Variants in RET observed in about 807,000 individuals in gnomAD.
RET encodes ret proto-oncogene.
Under a neutral mutation model 118.3 loss-of-function variants are expected in RET, and 19 were observed. The observed-to-expected ratio is 0.16, with a 90% CI of 0.11 to 0.24. The LOEUF (loss-of-function observed/expected upper bound fraction) is 0.24, where lower values mean the gene tolerates loss of function less well. RET is among the 10% of genes least tolerant of loss of function. The pLI is 1.00. For missense variants in RET, 1,219 were observed against 1,502.1 expected (o/e 0.81, Z 3.12); for synonymous variants, 597 against 644.1 (o/e 0.93, Z 1.11).
intron 1 of RET, 135 bp downstream of exon 1, chr10:43,077,466 G>C (rs1314828107): frequency 8.4e-7 from 1 of 1,191,666 alleles, no homozygotes; most frequent in African/African-American, 1.6e-5. Flanking sequence ...ACCCGGCCTC[G>C]GCTGGGAGCG....
At position 43,117,304 on chromosome 10, in the gene RET, A is replaced by G. The variant is rs550018025; in HGVS notation, c.2284+573A>G. ...GGTGTACATAACAATTATCTGCAGT[A>G]GTCGGGGGCTGCACAGCACAGGGTG... On this transcript the variant is annotated intron_variant, in intron 12 of 19. Coordinates refer to ENST00000355710, the MANE Select transcript of RET (RefSeq NM_020975.6). 1.3e-3 allele frequency among the ~76,000 whole-genome samples: 203 copies of G among 152,372 alleles called. 1 individual carries two copies. The highest frequency in any genetic ancestry group is 4.8e-3 in the African/African-American group (198 of 41,596).
At chr10:43,085,993 C>A (rs996154505) in intron 1 of RET, among the ~76,000 whole-genome samples, 5 of 152,204 alleles carry the variant, frequency 3.3e-5, no homozygotes, top group Non-Finnish European at 2.9e-5. Flanking sequence ...TAAGAGCAGA[C>A]CCTCAAGCCT....
chr10:43,111,484 G>A lies in RET; in HGVS notation c.1522+19G>A, dbSNP rs1420326566. ...GGGTCATGTGAGTGCCTGCTCCAGG[G>A]AGGGAGGGTCGGGGTCCTGGGGGCT... On this transcript the variant is annotated intron_variant, in intron 7 of 19. Transcript: ENST00000355710. The A allele has an allele frequency of 1.3e-6, 2 of 1,592,196 alleles. No homozygotes were observed. Among genetic ancestry groups the A allele is most frequent in the South Asian group, 1.1e-5 (1 of 90,596 alleles).
chr10:43,106,802 G>A lies in RET; in HGVS notation c.1063+231G>A, dbSNP rs553596818. Among the ~76,000 whole-genome samples the A allele has an allele frequency of 2.0e-4, 30 of 152,250 alleles. No homozygotes were observed. Among genetic ancestry groups the A allele is most frequent in the African/African-American group, 5.8e-4 (24 of 41,546 alleles). On this transcript the variant is annotated intron_variant, in intron 5 of 19. Coordinates refer to ENST00000355710, the MANE Select transcript of RET (RefSeq NM_020975.6). This position sits in a 1 kb window ranked among gnomAD's most constrained non-coding sequence, Gnocchi z 5.1. ...TCTCTCCCTGAGCTGATCCATGGCCGACCCTGGCAGGGCCCCACCACACCC... is the reference window on the plus strand; with the variant it reads ...TCTCTCCCTGAGCTGATCCATGGCCAACCCTGGCAGGGCCCCACCACACCC...
chr10:43,097,418 G>GCTGAGCTGCATTGCCTCTCCCCAC (rs1837544373), intron 1 of RET, among the ~76,000 whole-genome samples: 1 of 152,132 alleles, frequency 6.6e-6, no homozygotes, highest in Non-Finnish European at 1.5e-5. Context: ...ACTAGACCCA[G>GCTGAGCTGCATTGCCTCTCCCCAC]CTGAGCTGCA....
At chr10:43,081,873 A>G (rs1050024494) in intron 1 of RET, among the ~76,000 whole-genome samples, 4 of 152,176 alleles carry the variant, frequency 2.6e-5, no homozygotes, top group African/African-American at 4.8e-5. Context: ...TACCTCTCAT[A>G]GGAGAACTTT....
At position 43,113,667 on chromosome 10, in the gene RET, A is replaced by G. The variant is rs1224456563; in HGVS notation, c.1871A>G (p.Asp624Gly). The G allele has an allele frequency of 1.2e-6, 2 of 1,613,182 alleles. No homozygotes were observed. The highest frequency in any genetic ancestry group is 2.7e-5 in the African/African-American group (2 of 74,898). The part of the protein sequence containing the change: ...EEEKCFCEPE[D>G]IQDPLCDELC... ...GAGAAGTGCTTCTGCGAGCCCGAAG[A>G]CATCCAGGGTGAGTGGGTGGCGGCC... The change falls in exon 10 of 20, where the codon GAC (aspartate) becomes GGC (glycine). Residue 624 changes from aspartate to glycine, a missense_variant. Coordinates refer to ENST00000355710, the MANE Select transcript of RET (RefSeq NM_020975.6).
intron 18 of RET, among the ~76,000 whole-genome samples, chr10:43,125,398 A>T (rs1838307698): frequency 6.6e-6 from 1 of 152,246 alleles, no homozygotes; most frequent in South Asian, 2.1e-4. Flanking sequence ...GCAAACAGCC[A>T]GCCCCCTCCA....
intron 3 of RET, 155 bp from the exon 4 acceptor site, chr10:43,104,797 C>G (rs1357550609): frequency 8.5e-7 from 1 of 1,181,674 alleles, no homozygotes; most frequent in African/African-American, 1.5e-5. Flanking sequence ...AACTCGTGCT[C>G]CGAGCGCTGC....
chr10:43,094,520 T>C (rs1837480779), intron 1 of RET, among the ~76,000 whole-genome samples: 3 of 152,184 alleles, frequency 2.0e-5, no homozygotes, highest in Admixed American at 2.0e-4. Flanking sequence ...AAGTTTTTCA[T>C]GGTCTGGAGC....
intron 19 of RET, chr10:43,127,369 T>C: frequency 9.4e-7 from 1 of 1,064,646 alleles, no homozygotes. Context: ...GGTTGTCACT[T>C]ATGAAGTCAG....
At chr10:43,101,365 G>A (rs2132671354) in intron 2 of RET, among the ~76,000 whole-genome samples, 1 of 152,362 alleles carries the variant, frequency 6.6e-6, no homozygotes, top group Non-Finnish European at 1.5e-5. Flanking sequence ...CCTGAGCCCT[G>A]TCTGCTGGTG....
intron 18 of RET, among the ~76,000 whole-genome samples, chr10:43,125,281 A>G (rs1218002242): frequency 2.6e-5 from 4 of 152,274 alleles, no homozygotes; most frequent in East Asian, 3.8e-4. Flanking sequence ...ATAGTTTTCC[A>G]TAATGGAAAA....
intron 13 of RET, 72 bp downstream of exon 13, chr10:43,118,552 C>T (rs1174359152): frequency 2.7e-6 from 3 of 1,092,266 alleles, no homozygotes; most frequent in Admixed American, 1.8e-5. Flanking sequence ...CCCTGTTCTC[C>T]CTCTTTCTCC....
chr10:43,080,385 T>A (rs1474985884), intron 1 of RET, among the ~76,000 whole-genome samples: 1 of 152,242 alleles, frequency 6.6e-6, no homozygotes, highest in Non-Finnish European at 1.5e-5. Flanking sequence ...ACTGCCCCTG[T>A]GCTGTGCCTA....
rs756466984 is a variant in RET, at chr10:43,126,613, C to T, written c.3078C>T (p.Ser1026=). Residue 1026 remains serine (S), a synonymous_variant, in exon 19 of 20, where the codon TCC becomes TCT. Transcript: ENST00000355710. ...TTGCGGCGTCCACTCCATCTGACTC[C>T]CTGATTTATGACGACGGCCTCTCAG... is the stretch of plus-strand genomic sequence containing the variant. ...LDLAASTPSD[S]LIYDDGLSEE... is the part of the protein sequence containing the mutation. 3.7e-6 allele frequency: 6 copies of T among 1,614,114 alleles called. No homozygotes were observed. The highest frequency in any genetic ancestry group is 1.1e-5 in the South Asian group (1 of 91,082).
At position 43,112,888 on chromosome 10, in the gene RET, A is replaced by T. The variant is rs759342879; in HGVS notation, c.1684A>T (p.Thr562Ser). 1.2e-6 allele frequency: 2 copies of T among 1,614,108 alleles called. No homozygotes were observed. Among genetic ancestry groups the T allele is most frequent in the Non-Finnish European group, 1.7e-6 (2 of 1,179,990 alleles). Residue 562 changes from threonine (T) to serine (S), a missense_variant, in exon 9 of 20, where the codon ACC (threonine) becomes TCC (serine). Thr to Ser is a moderately conservative substitution (Grantham distance 58, BLOSUM62 1). Transcript: ENST00000355710. ...TRNFSTCSPS[T>S]KTCPDGHCDV... The stretch of plus-strand genomic sequence containing the variant: ...GAACTTCTCCACCTGCTCTCCCAGC[A>T]CCAAGACCTGCCCCGACGGCCACTG...
At chr10:43,095,147 C>A (rs1837495760) in intron 1 of RET, among the ~76,000 whole-genome samples, 1 of 152,140 alleles carries the variant, frequency 6.6e-6, no homozygotes, top group East Asian at 1.9e-4. Context: ...GGCTGCTGTG[C>A]AGGCTCAGGT....
At chr10:43,111,490 G>C (rs753456819) in intron 7 of RET, 25 bp downstream of exon 7, 2 of 1,600,080 alleles carry the variant, frequency 1.2e-6, no homozygotes, top group Non-Finnish European at 1.7e-6. Flanking sequence ...CAGGGAGGGA[G>C]GGTCGGGGTC....
Sources: allele counts gnomAD v4.1 joint callset (sites outside exome capture counted in the v4.1 genomes callset), GRCh38; gene constraint gnomAD v4.1.1; non-coding constraint Gnocchi (gnomAD v3.1); transcripts MANE v1.5; gene names NCBI Gene and HGNC (gene_info 2026-07-23, HGNC 2026-07-21).